The following CAPN3 variants were observed in gnomAD, a reference collection of about 807,000 sequenced individuals.
The protein encoded by CAPN3 is calpain 3.
Under a neutral mutation model 114.0 loss-of-function variants are expected in CAPN3, and 88 were observed. The observed-to-expected ratio is 0.77, with a 90% CI of 0.65 to 0.92. The LOEUF (loss-of-function observed/expected upper bound fraction) is 0.92, where lower values mean the gene tolerates loss of function less well. Among genes scored for constraint, CAPN3 ranks in the 40% least tolerant of loss-of-function variants. CAPN3 has a pLI of 0.00. For missense variants in CAPN3, 1,028 were observed against 1,069.0 expected, an observed-to-expected ratio of 0.96 and a Z score of 0.53; for synonymous variants, 386 against 382.9, an observed-to-expected ratio of 1.01 and a Z score of -0.09.
intron 1 of CAPN3, among the ~76,000 whole-genome samples, chr15:42,362,911 G>T (rs2141108898): frequency 6.6e-6 from 1 of 152,300 alleles, no homozygotes; most frequent in Non-Finnish European, 1.5e-5. Flanking sequence ...CACCACACAG[G>T]TGAGTAAAGG....
chr15:42,385,327 C>T (rs1357788670), intron 2 of CAPN3, among the ~76,000 whole-genome samples: 1 of 152,060 alleles, frequency 6.6e-6, no homozygotes, highest in Non-Finnish European at 1.5e-5. Flanking sequence ...CTGCAGAGCC[C>T]TGGGCATAAT....
In CAPN3 at chr15:42,387,736, G is replaced by C; in HGVS notation, c.499-17G>C. 6.2e-7 allele frequency: 1 copy of C among 1,614,158 alleles called. No individual in the cohort carries two copies. The highest frequency in any genetic ancestry group is 8.5e-7 in the Non-Finnish European group (1 of 1,179,990). ...GTAATTTGAGTATGTGACTCTGTGC[G>C]TGACGCTTCTGTGCAGTTCTGGCGC... On this transcript the variant is annotated splice_polypyrimidine_tract_variant and intron_variant, in intron 3 of 23. Coordinates refer to ENST00000397163, the MANE Select transcript of CAPN3 (RefSeq NM_000070.3).
In CAPN3 at chr15:42,409,327, G is replaced by A. The variant is rs863224960; in HGVS notation, c.1939G>A (p.Glu647Lys). The stretch of plus-strand genomic sequence containing the variant: ...GCCACAGCCTGGCAGCTCTGATCAG[G>A]AAAGTGAGGAACAGCAACAATTCCG... ...PQPQPGSSDQESEEQQQFRNI... is the reference protein window; with the variant it reads ...PQPQPGSSDQKSEEQQQFRNI... The change falls in exon 17 of 24, where the codon GAA (glutamate) becomes AAA (lysine). Residue 647 changes from glutamate to lysine, a missense_variant. Physicochemically the swap from Glu to Lys is moderately conservative, Grantham distance 56. Coordinates refer to ENST00000397163, the MANE Select transcript of CAPN3 (RefSeq NM_000070.3). 4.3e-6 allele frequency: 7 copies of A among 1,614,092 alleles called. No individual in the cohort carries two copies. In the Admixed American group the frequency reaches 1.0e-4, roughly 23 times the overall value.
At chr15:42,404,158 G>A (rs1012942101) in intron 14 of CAPN3, 9 of 461,730 alleles carry the variant, frequency 1.9e-5, no homozygotes, top group Non-Finnish European at 3.9e-5. Flanking sequence ...GCCGGACCTG[G>A]TGTTGACACT....
At chr15:42,393,550 T>C (rs1488567435) in intron 7 of CAPN3, among the ~76,000 whole-genome samples, 2 of 150,402 alleles carry the variant, frequency 1.3e-5, no homozygotes, top group Non-Finnish European at 3.0e-5. Context: ...AGTCTGCTTG[T>C]TTGTAGTTCC....
intron 1 of CAPN3, among the ~76,000 whole-genome samples, chr15:42,375,547 C>T (rs1262083097): frequency 6.6e-6 from 1 of 152,108 alleles, no homozygotes; most frequent in Non-Finnish European, 1.5e-5. Context: ...GCAAGAAACT[C>T]TCTAGACCAG....
At chr15:42,385,862 G>A in intron 2 of CAPN3, 2 of 602,880 alleles carry the variant, frequency 3.3e-6, no homozygotes, top group Middle Eastern at 2.8e-4. Flanking sequence ...ATCACCTACT[G>A]CTCTGTCTCC....
intron 8 of CAPN3, 40 bp downstream of exon 8, chr15:42,394,381 A>C (rs931103184): frequency 1.1e-5 from 17 of 1,485,740 alleles, no homozygotes; most frequent in Non-Finnish European, 1.4e-5. Context: ...GTGGCGGGGA[A>C]CAGGGTCCGG....
chr15:42,392,756 C>A (rs755702582), intron 7 of CAPN3, 34 bp downstream of exon 7: 2 of 1,568,100 alleles, frequency 1.3e-6, no homozygotes, highest in Non-Finnish European at 1.8e-6. Flanking sequence ...GGCAAGGGCA[C>A]CCTCCTGGGT....
rs199978708 is a variant in CAPN3 at position 42,403,734 on chromosome 15, C to G, written c.1746-7C>G. On this transcript the variant is annotated splice_polypyrimidine_tract_variant and splice_region_variant and intron_variant, in intron 13 of 23. Coordinates refer to ENST00000397163, the MANE Select transcript of CAPN3 (RefSeq NM_000070.3). ...ACTGAGACCCCACATGTCTGTATTCCTCACAGGGAAGTTGAAAATACCATC... is the reference window on the plus strand; with the variant it reads ...ACTGAGACCCCACATGTCTGTATTCGTCACAGGGAAGTTGAAAATACCATC... 7.2e-4 allele frequency: 1,161 copies of G among 1,613,572 alleles called. 2 individuals carry two copies. The highest frequency in any genetic ancestry group is 9.2e-4 in the Non-Finnish European group (1,091 of 1,179,642).
At chr15:42,397,692 T>C (rs910273187) in intron 9 of CAPN3, among the ~76,000 whole-genome samples, 2 of 151,980 alleles carry the variant, frequency 1.3e-5, no homozygotes, top group Non-Finnish European at 2.9e-5. Flanking sequence ...GGGAAAGGTT[T>C]TTTGTGTTTT....
intron 1 of CAPN3, among the ~76,000 whole-genome samples, chr15:42,362,046 G>A (rs80240985): frequency 0.038 from 5,781 of 152,302 alleles, 336 homozygotes; most frequent in African/African-American, 0.12. Context: ...ATGCTGGTGA[G>A]TGAAAACCCA....
chr15:42,412,113 CACTCAGCACCT>C lies in CAPN3; in HGVS notation c.*341_*351del. On this transcript the variant is annotated 3_prime_UTR_variant, in exon 24 of 24. Transcript: ENST00000397163. ...TGTCTGCAGAAGCACCTGCCGGTGG[CACTCAGCACCT>C]CCTTGTGCTAGAGCCCTCCATCACC... 6.5e-7 allele frequency: 1 copy of C among 1,535,706 alleles called. No individual in the cohort carries two copies. Among genetic ancestry groups the C allele is most frequent in the East Asian group, 2.4e-5 (1 of 40,912 alleles).
intron 14 of CAPN3, chr15:42,404,745 T>C: frequency 8.7e-7 from 1 of 1,146,884 alleles, no homozygotes; most frequent in Non-Finnish European, 1.1e-6. Context: ...CAAATGCCCC[T>C]CTGAACTGTC....
chr15:42,372,583 C>T (rs1025785438), intron 1 of CAPN3, among the ~76,000 whole-genome samples: 2 of 152,158 alleles, frequency 1.3e-5, no homozygotes, highest in Non-Finnish European at 2.9e-5. Context: ...GGCGGTGGCT[C>T]ACACGTGTAA....
intron 2 of CAPN3, chr15:42,385,545 G>T: frequency 2.4e-6 from 1 of 409,370 alleles, no homozygotes. Flanking sequence ...GAGAGAGAGA[G>T]AGAGAGAGAG....
At chr15:42,402,565 G>T in intron 12 of CAPN3, 2 of 1,477,410 alleles carry the variant, frequency 1.4e-6, no homozygotes, top group South Asian at 2.7e-5. Context: ...TCTGGTAAGT[G>T]TCCCTGAGTG....
At chr15:42,384,586 T>C in intron 2 of CAPN3, 34 bp downstream of exon 2, 1 of 1,460,428 alleles carries the variant, frequency 6.8e-7, no homozygotes, top group Non-Finnish European at 9.6e-7. Context: ...TCCTGCCAGA[T>C]GATCAAGGGG....
chr15:42,388,834 A>C (rs565032615), intron 4 of CAPN3, 94 bp from the exon 5 acceptor site: 3 of 974,714 alleles, frequency 3.1e-6, no homozygotes, highest in Admixed American at 1.7e-5. Context: ...AGAACATCAC[A>C]GCATCCAAGA....
Sources: gnomAD v4.1 joint callset for allele counts (sites outside exome capture counted in the v4.1 genomes callset) on GRCh38, gnomAD v4.1.1 for gene constraint, MANE v1.5 for transcripts, NCBI Gene and HGNC (gene_info 2026-07-23, HGNC 2026-07-21) for gene names.